Variants in MFSD11 observed in about 807,000 individuals in gnomAD.
The protein encoded by MFSD11 is major facilitator superfamily domain containing 11.
MFSD11 carries 36 observed loss-of-function variants against 53.5 expected under a neutral mutation model. That is an observed-to-expected ratio of 0.67 (90% CI 0.52 to 0.89). MFSD11 has a LOEUF of 0.89. Ranked by LOEUF, MFSD11 falls within the 40% of genes least tolerant of loss-of-function variation. MFSD11 has a pLI of 0.00. For synonymous variants in MFSD11, 186 were observed against 184.9 expected, an observed-to-expected ratio of 1.01 and a Z score of -0.05; for missense variants, 530 against 543.9, an observed-to-expected ratio of 0.97 and a Z score of 0.25.
At chr17:76,768,410 G>T (rs1040156291) in intron 9 of MFSD11, among the ~76,000 whole-genome samples, 18 of 150,996 alleles carry the variant, frequency 1.2e-4, no homozygotes, top group Non-Finnish European at 2.4e-4. Flanking sequence ...AAAGAAATTT[G>T]TTTTCTTTTA....
At chr17:76,737,359 T>G (rs2077570188), upstream of MFSD11, 1 of 639,796 alleles carries the variant, frequency 1.6e-6, no homozygotes, top group African/African-American at 1.8e-5. Context: ...CTGCGCCCGT[T>G]TATATCGCTC....
chr17:76,742,834 A>C (rs1051434599), intron 5 of MFSD11, among the ~76,000 whole-genome samples: 3 of 152,162 alleles, frequency 2.0e-5, no homozygotes, highest in Non-Finnish European at 4.4e-5. Context: ...AAAGCAAAAC[A>C]GCTATTCTGC....
rs73361039 is a variant in MFSD11, at chr17:76,753,916, G to A, written c.642-131G>A. The A allele has an allele frequency of 0.013, 8,873 of 669,592 alleles. 532 individuals are homozygous for A. In the African/African-American group the frequency reaches 0.13, roughly 10 times the overall value. The allele number at this position is 669,592 out of a possible 1,614,324, so 41.5% of individuals were successfully genotyped here. A position where few individuals can be genotyped will look rare whatever the true frequency, so the allele number is the denominator to read the frequency against. ...GGACACCCTGAGGCAAGGAGCATTC[G>A]AGTCACTGGGAATGCATCTCAGACC... On this transcript the variant is annotated intron_variant, in intron 7 of 12. Coordinates refer to ENST00000685175, the MANE Select transcript of MFSD11 (RefSeq NM_001242532.5).
intron 10 of MFSD11, among the ~76,000 whole-genome samples, chr17:76,774,073 G>A (rs1420576169): frequency 1.3e-5 from 2 of 151,648 alleles, no homozygotes; most frequent in East Asian, 3.9e-4. Flanking sequence ...CTACAGGCAT[G>A]TGCCACCACA....
Position 76,742,326 on chromosome 17 carries a change from A to C in MFSD11, c.437+53A>C, listed in dbSNP as rs76721450. The C allele has an allele frequency of 8.4e-3, 12,484 of 1,483,452 alleles. 252 individuals are homozygous for C. The highest frequency in any genetic ancestry group is 0.058 in the East Asian group (2,499 of 43,458). 91.9% of individuals were successfully genotyped at this position (1,483,452 alleles called of 1,614,324 possible). A position where few individuals can be genotyped will look rare whatever the true frequency, so the allele number is the denominator to read the frequency against. ...TCCTTTTCTTTCTTTTTTTTCTGTC[A>C]TACCATTTTTTAGGTCTTTGGTTGA... On this transcript the variant is annotated intron_variant, in intron 5 of 12. Coordinates refer to ENST00000685175, the MANE Select transcript of MFSD11 (RefSeq NM_001242532.5).
chr17:76,798,748 C>T, the MFSD11 span, among the ~76,000 whole-genome samples: 4 of 152,054 alleles, frequency 2.6e-5, no homozygotes, highest in African/African-American at 4.8e-5. Context: ...GGAAATGAGG[C>T]AGGGCATGGT....
chr17:76,767,301 G>A lies in MFSD11; in HGVS notation c.683-85G>A, dbSNP rs920320332. The stretch of plus-strand genomic sequence containing the variant: ...TTCGTTTACTGGCATTATTGACAAG[G>A]GGTGTTTTGGTTGAAGGAAGTTTTA... On this transcript the variant is annotated intron_variant, in intron 8 of 12. Transcript: ENST00000685175. 3 of 749,878 alleles carry A rather than the reference G, an allele frequency of 4.0e-6. No homozygotes were observed. The African/African-American group carries it at 5.3e-5, about 13-fold the overall frequency. 46.5% of individuals were successfully genotyped at this position (749,878 alleles called of 1,614,324 possible).
At chr17:76,740,381 A>G (rs1458533939) in intron 2 of MFSD11, among the ~76,000 whole-genome samples, 1 of 152,148 alleles carries the variant, frequency 6.6e-6, no homozygotes, top group Non-Finnish European at 1.5e-5. Context: ...TTCAAGTGAG[A>G]CCATTAGGTT....
intron 1 of MFSD11, 35 bp downstream of exon 1, chr17:76,738,483 C>T (rs757402573): frequency 1.6e-5 from 23 of 1,463,194 alleles, no homozygotes; most frequent in Non-Finnish European, 2.1e-5. Flanking sequence ...CTTTGAAGTG[C>T]CCATCATAAT....
intron 10 of MFSD11, among the ~76,000 whole-genome samples, chr17:76,773,711 G>A (rs2081569080): frequency 6.6e-6 from 1 of 152,070 alleles, no homozygotes; most frequent in African/African-American, 2.4e-5. Context: ...GGGTTCAAGC[G>A]ATTCTCCTGC....
the MFSD11 span, among the ~76,000 whole-genome samples, chr17:76,798,176 C>G: frequency 6.6e-6 from 1 of 152,180 alleles, no homozygotes; most frequent in Non-Finnish European, 1.5e-5. Flanking sequence ...GTCGGAGCCA[C>G]CATGCCTGGC....
the MFSD11 span, among the ~76,000 whole-genome samples, chr17:76,786,512 C>T: frequency 1.3e-5 from 2 of 152,272 alleles, no homozygotes; most frequent in Non-Finnish European, 1.5e-5. Flanking sequence ...TCAACAGTGA[C>T]GCAGTCAGAA....
intron 7 of MFSD11, among the ~76,000 whole-genome samples, chr17:76,750,867 G>T (rs1028325625): frequency 6.7e-6 from 1 of 149,842 alleles, no homozygotes; most frequent in Non-Finnish European, 1.5e-5. Flanking sequence ...GCAGTGACAC[G>T]GTCTAGGCTC....
At chr17:76,742,812 T>C (rs897372956) in intron 5 of MFSD11, among the ~76,000 whole-genome samples, 5 of 152,212 alleles carry the variant, frequency 3.3e-5, no homozygotes, top group Non-Finnish European at 5.9e-5. Context: ...CCTTAACATT[T>C]TTCTTAAGAA....
intron 5 of MFSD11, 49 bp from the exon 6 acceptor site, chr17:76,743,349 A>T: frequency 8.4e-7 from 1 of 1,194,518 alleles, no homozygotes; most frequent in Non-Finnish European, 1.2e-6. Flanking sequence ...AAAAACTATA[A>T]ATATTAAAAT....
the MFSD11 span, among the ~76,000 whole-genome samples, chr17:76,787,091 C>T: frequency 4.7e-5 from 7 of 150,348 alleles, no homozygotes; most frequent in African/African-American, 1.5e-4. Context: ...AGGCATGACT[C>T]TCAGAAACAG....
At position 76,774,959 on chromosome 17, in the gene MFSD11, G is replaced by A. The variant is rs78206466; in HGVS notation, c.875-38G>A. On this transcript the variant is annotated intron_variant, in intron 10 of 12. Coordinates refer to ENST00000685175, the MANE Select transcript of MFSD11 (RefSeq NM_001242532.5). ...CTCAGGCCTGGGTATGTGATGTTTC[G>A]GCAACATTAGTGACGTTTCTGCCAT... The A allele has an allele frequency of 1.5e-3, 2,406 of 1,592,636 alleles. 30 individuals are homozygous for A. The African/African-American group carries it at 0.029, about 19-fold the overall frequency.
chr17:76,743,057 A>G (rs918598927), intron 5 of MFSD11, among the ~76,000 whole-genome samples: 1 of 152,240 alleles, frequency 6.6e-6, no homozygotes, highest in Non-Finnish European at 1.5e-5. Flanking sequence ...GGATTTTTAG[A>G]AACAGATTCT....
At chr17:76,747,577 C>A (rs1304925083) in intron 7 of MFSD11, among the ~76,000 whole-genome samples, 1 of 152,068 alleles carries the variant, frequency 6.6e-6, no homozygotes, top group African/African-American at 2.4e-5. Context: ...TCGTGATCCA[C>A]CCGCCTTGGC....
Sources: gnomAD v4.1 joint callset for allele counts (sites outside exome capture counted in the v4.1 genomes callset) on GRCh38, gnomAD v4.1.1 for gene constraint, MANE v1.5 for transcripts, NCBI Gene and HGNC (gene_info 2026-07-23, HGNC 2026-07-21) for gene names.